Variants in MET observed in about 807,000 individuals in gnomAD.
MET encodes hepatocyte growth factor receptor.
A neutral mutation model predicts 133.1 loss-of-function variants in MET; 48 were observed. The observed-to-expected ratio is 0.36, with a 90% CI of 0.29 to 0.46. MET has a LOEUF of 0.46. Ranked by LOEUF, MET falls within the 20% of genes least tolerant of loss-of-function variation. The pLI, the probability that MET is intolerant of heterozygous loss-of-function variation, is 1.00. For synonymous variants in MET, 628 were observed against 616.5 expected, an observed-to-expected ratio of 1.02 and a Z score of -0.28; for missense variants, 1,442 against 1,695.9, an observed-to-expected ratio of 0.85 and a Z score of 2.63.
chr7:116,759,299 A>T (rs2116936262), intron 9 of MET, 92 bp from the exon 10 acceptor site: 1 of 1,547,450 alleles, frequency 6.5e-7, no homozygotes. Flanking sequence ...CTGACCTGTA[A>T]TCAGTGCAGG....
intron 5 of MET, among the ~76,000 whole-genome samples, chr7:116,750,015 T>C (rs956034601): frequency 6.6e-6 from 1 of 152,144 alleles, no homozygotes; most frequent in Non-Finnish European, 1.5e-5. Flanking sequence ...CCCAAAGTAA[T>C]TTATACATTC....
Position 116,797,141 on chromosome 7 carries a change from T to G in MET, c.*1017T>G. 1 of 200,026 alleles carries G rather than the reference T, an allele frequency of 5.0e-6. No individual in the cohort carries two copies. Among genetic ancestry groups the G allele is most frequent in the Non-Finnish European group, 1.0e-5 (1 of 96,796 alleles). 12.4% of individuals were successfully genotyped at this position (200,026 alleles called of 1,614,324 possible). ...TGAGAATGATGCTACTCTGATCTAATGAATGTGAACATGTAGATGTTTTGT... is the reference window on the plus strand; with the variant it reads ...TGAGAATGATGCTACTCTGATCTAAGGAATGTGAACATGTAGATGTTTTGT... On this transcript the variant is annotated 3_prime_UTR_variant, in exon 21 of 21. Transcript: ENST00000397752.
intron 17 of MET, among the ~76,000 whole-genome samples, chr7:116,780,467 G>C (rs1795125526): frequency 6.6e-6 from 1 of 152,138 alleles, no homozygotes; most frequent in Non-Finnish European, 1.5e-5. Context: ...CAGCTGCCCT[G>C]ACAGACCCCA....
At chr7:116,725,177 C>T (rs1188522406) in intron 2 of MET, among the ~76,000 whole-genome samples, 1 of 152,130 alleles carries the variant, frequency 6.6e-6, no homozygotes, top group Non-Finnish European at 1.5e-5. Context: ...TTTATTGACT[C>T]AACTCTCTGA....
intron 1 of MET, among the ~76,000 whole-genome samples, chr7:116,676,509 A>G (rs939356027): frequency 1.3e-5 from 2 of 152,224 alleles, no homozygotes; most frequent in African/African-American, 2.4e-5. Flanking sequence ...ACTCTGTTCT[A>G]TTGAGTTGGC....
In MET at chr7:116,771,904, T is replaced by A. The variant is rs45561544; in HGVS notation, c.2943T>A (p.Asp981Glu). 6.2e-7 allele frequency: 1 copy of A among 1,613,898 alleles called. No homozygotes were observed. The highest frequency in any genetic ancestry group is 2.2e-5 in the East Asian group (1 of 44,860). The change falls in exon 14 of 21, where the codon GAT (aspartate) becomes GAA (glutamate). Residue 981 changes from aspartate (D) to glutamate (E), a missense_variant. This residue lies in a region of MET where 514 missense variants were observed against 659.6 expected (regional missense o/e 0.78). Coordinates refer to ENST00000397752, the MANE Select transcript of MET (RefSeq NM_000245.4). Reference protein sequence around the residue: ...YDARVHTPHLDRLVSARSVSP... With the variant: ...YDARVHTPHLERLVSARSVSP... ...CAAGAGTACACACTCCTCATTTGGA[T>A]AGGCTTGTAAGTGCCCGAAGTGTAA...
At chr7:116,739,708 C>G (rs1355924895) in intron 3 of MET, among the ~76,000 whole-genome samples, 1 of 152,176 alleles carries the variant, frequency 6.6e-6, no homozygotes, top group Admixed American at 6.5e-5. Flanking sequence ...TGAAAGATCT[C>G]TTTCCCTTGA....
In MET at chr7:116,783,384, A is replaced by C. The variant is rs1562935856; in HGVS notation, c.3713A>C (p.His1238Pro). ...TATGATAAAGAATACTATAGTGTAC[A>C]CAACAAAACAGGTGCAAAGCTGCCA... ...DMYDKEYYSV[H>P]NKTGAKLPVK... Residue 1238 changes from histidine (H) to proline (P), a missense_variant, in exon 19 of 21, where the codon CAC becomes CCC. By Grantham distance (77) the His-to-Pro change is moderately conservative. This residue lies in a region of MET where 38 missense variants were observed against 40.6 expected (regional missense o/e 0.94). Transcript: ENST00000397752. 1.2e-6 allele frequency: 2 copies of C among 1,614,184 alleles called. No homozygotes were observed. Among genetic ancestry groups the C allele is most frequent in the Non-Finnish European group, 1.7e-6 (2 of 1,180,028 alleles).
chr7:116,771,769 A>G (rs2116994641), intron 13 of MET, 80 bp from the exon 14 acceptor site: 1 of 1,609,682 alleles, frequency 6.2e-7, no homozygotes, highest in Non-Finnish European at 8.5e-7. Context: ...AAAACCCATG[A>G]GTTCTGGGCA....
In MET at chr7:116,672,568, G is replaced by A; in HGVS notation, c.-24G>A. On this transcript the variant is annotated 5_prime_UTR_variant, in exon 1 of 21. Transcript: ENST00000397752. ...CGCTGACTTCTCCACTGGTTCCTGG[G>A]CACCGAAAGGTAAAATTGCAGCCCC... 7.6e-6 allele frequency: 3 copies of A among 393,264 alleles called. No individual in the cohort carries two copies. Among genetic ancestry groups the A allele is most frequent in the Non-Finnish European group, 1.3e-5 (3 of 222,528 alleles). 24.4% of individuals were successfully genotyped at this position (393,264 alleles called of 1,614,324 possible). A position where few individuals can be genotyped will look rare whatever the true frequency, so the allele number is the denominator to read the frequency against.
chr7:116,772,525 A>C (rs542015591), intron 14 of MET, among the ~76,000 whole-genome samples: 1 of 152,220 alleles, frequency 6.6e-6, no homozygotes, highest in Non-Finnish European at 1.5e-5. Flanking sequence ...AGGAGGGGTC[A>C]ATATCATCAG....
chr7:116,751,585 T>C (rs1328487624), intron 5 of MET, among the ~76,000 whole-genome samples: 3 of 152,184 alleles, frequency 2.0e-5, no homozygotes, highest in African/African-American at 7.2e-5. Flanking sequence ...TACATGATGT[T>C]CAGTGGCTAA....
intron 1 of MET, among the ~76,000 whole-genome samples, chr7:116,674,778 C>T (rs571881076): frequency 1.1e-4 from 17 of 152,326 alleles, no homozygotes; most frequent in Non-Finnish European, 2.2e-4. Flanking sequence ...GCTTTCAAGG[C>T]CTTCCGTGCC....
At chr7:116,719,388 A>ATAAT (rs1358118948) in intron 2 of MET, among the ~76,000 whole-genome samples, 1 of 151,998 alleles carries the variant, frequency 6.6e-6, no homozygotes, top group Non-Finnish European at 1.5e-5. Flanking sequence ...TCTGGATATT[A>ATAAT]GCCCTTTGTC....
intron 3 of MET, among the ~76,000 whole-genome samples, chr7:116,733,679 A>T (rs1793108958): frequency 6.6e-6 from 1 of 151,974 alleles, no homozygotes. Flanking sequence ...AACAAAAGGT[A>T]AAAAAAATGC....
intron 15 of MET, among the ~76,000 whole-genome samples, 170 bp downstream of exon 15, chr7:116,775,281 G>A (rs896532175): frequency 6.6e-6 from 1 of 152,186 alleles, no homozygotes; most frequent in Non-Finnish European, 1.5e-5. Context: ...AATCATATCC[G>A]TGGGGATTTG....
At chr7:116,780,696 C>T (rs1456978140) in intron 17 of MET, among the ~76,000 whole-genome samples, 1 of 152,214 alleles carries the variant, frequency 6.6e-6, no homozygotes, top group African/African-American at 2.4e-5. Context: ...CAGGAACTGG[C>T]CTTTCTCTAT....
intron 17 of MET, among the ~76,000 whole-genome samples, chr7:116,779,531 C>T (rs749082857): frequency 1.3e-5 from 2 of 152,172 alleles, no homozygotes; most frequent in Admixed American, 6.5e-5. Flanking sequence ...TGACCACCCA[C>T]CCTCATGGCT....
At chr7:116,772,295 C>A (rs527326849) in intron 14 of MET, among the ~76,000 whole-genome samples, 5 of 152,270 alleles carry the variant, frequency 3.3e-5, no homozygotes, top group African/African-American at 9.6e-5. Flanking sequence ...CTTTTACAAT[C>A]CAGGAAGAGT....
Sources: allele counts gnomAD v4.1 joint callset (sites outside exome capture counted in the v4.1 genomes callset), GRCh38; gene constraint gnomAD v4.1.1; regional missense constraint gnomAD v4.1.1; transcripts MANE v1.5; gene names NCBI Gene and HGNC (gene_info 2026-07-23, HGNC 2026-07-21).